The following SLAMF9 variants were observed in gnomAD, a reference collection of about 807,000 sequenced individuals.
SLAMF9 encodes the protein CD2 family member 10.
Under a neutral mutation model 30.4 loss-of-function variants are expected in SLAMF9, and 25 were observed. The ratio of observed to expected loss-of-function variants is 0.82; its 90% confidence interval spans 0.60 to 1.15. The LOEUF is 1.15. Among genes scored for constraint, SLAMF9 ranks in the 50% most tolerant of loss-of-function variants. The pLI is 0.00. For missense variants in SLAMF9, 344 were observed against 346.1 expected (o/e 0.99, Z 0.05); for synonymous variants, 129 against 127.2 (o/e 1.01, Z -0.09).
the SLAMF9 span, among the ~76,000 whole-genome samples, chr1:159,963,655 G>T: frequency 6.6e-6 from 1 of 152,038 alleles, no homozygotes; most frequent in East Asian, 1.9e-4. Flanking sequence ...TCCTAAAATG[G>T]ACTCGGCTCA....
chr1:159,973,185 AG>A, the SLAMF9 span: 1 of 1,503,034 alleles, frequency 6.7e-7, no homozygotes, highest in Non-Finnish European at 9.2e-7. Context: ...GGCTGACCTC[AG>A]GGGGTGCAGC....
chr1:159,972,957 C>T, the SLAMF9 span: 1 of 1,142,570 alleles, frequency 8.8e-7, no homozygotes. Flanking sequence ...TGCATGATGC[C>T]CAGACCCCTG....
the SLAMF9 span, among the ~76,000 whole-genome samples, chr1:159,974,916 C>T: frequency 6.6e-6 from 1 of 152,200 alleles, no homozygotes; most frequent in African/African-American, 2.4e-5. Flanking sequence ...CCATAGGCAC[C>T]TTCCATCACT....
In SLAMF9 at chr1:159,954,154, C is replaced by A. The variant is rs1236603442; in HGVS notation, c.-17G>T. 6.2e-7 allele frequency: 1 copy of A among 1,614,010 alleles called. No homozygotes were observed. The highest frequency in any genetic ancestry group is 1.3e-5 in the African/African-American group (1 of 75,020). ...GGCACACATGTCAGCAGCCCCCAGC[C>A]CCAGAGGTGTGATTCAGTCAGTCAG... On this transcript the variant is annotated 5_prime_UTR_variant, in exon 1 of 4. Coordinates refer to ENST00000368093, the MANE Select transcript of SLAMF9 (RefSeq NM_033438.4).
Position 159,951,665 on chromosome 1 carries a change from G to T in SLAMF9, c.866C>A (p.Ala289Asp), listed in dbSNP as rs1453709203. Residue 289 changes from alanine (A) to aspartate (D), a missense_variant, in exon 4 of 4, where the codon GCC becomes GAC. Transcript: ENST00000368093. ...ACTGGGGTTCCCAAGGAGCAGTCAG[G>T]CAGGGCTGGAGCCAGGCTTTGCCTC... ...RKEAKPGSSP[A>D] 1.9e-6 allele frequency: 3 copies of T among 1,613,856 alleles called. No homozygotes were observed. Among genetic ancestry groups the T allele is most frequent in the Non-Finnish European group, 1.7e-6 (2 of 1,179,952 alleles).
chr1:159,971,521 G>A, the SLAMF9 span, among the ~76,000 whole-genome samples: 2 of 152,262 alleles, frequency 1.3e-5, no homozygotes, highest in South Asian at 2.1e-4. Context: ...GCTCATAGCC[G>A]TTGAGCCCCT....
chr1:159,966,277 A>G, the SLAMF9 span, among the ~76,000 whole-genome samples: 1 of 152,240 alleles, frequency 6.6e-6, no homozygotes, highest in Admixed American at 6.5e-5. Context: ...GTCCAAAATG[A>G]CAGAATTTCA....
chr1:159,955,095 A>AG (rs1476573532), upstream of SLAMF9, among the ~76,000 whole-genome samples: 31 of 152,056 alleles, frequency 2.0e-4, no homozygotes, highest in African/African-American at 6.7e-4. Flanking sequence ...AAAAAAAAAA[A>AG]AGAGAGAAGA....
the SLAMF9 span, among the ~76,000 whole-genome samples, chr1:159,971,827 G>A: frequency 2.6e-5 from 4 of 152,212 alleles, no homozygotes; most frequent in East Asian, 1.9e-4. Context: ...AGCTACTTTC[G>A]TGAATCTTCA....
chr1:159,953,223 C>T (rs1359713149), intron 2 of SLAMF9, 86 bp downstream of exon 2: 8 of 1,149,174 alleles, frequency 7.0e-6, no homozygotes, highest in Non-Finnish European at 8.8e-6. Flanking sequence ...AAACCATAAC[C>T]CCAAGTCCTG....
chr1:159,951,730 C>T lies in SLAMF9; in HGVS notation c.801G>A (p.Arg267=), dbSNP rs754869237. ...TTCTGTTTCTCATGAGTTTCTTCAT[C>T]CTTGGCATTTTGTGTCTTTTCTGGA... is the stretch of plus-strand genomic sequence containing the variant. ...IRVQKRHKMP[R]MKKLMRNRMK... The change falls in exon 4 of 4, where the codon AGG becomes AGA. Residue 267 remains arginine (R), a synonymous_variant. Transcript: ENST00000368093. The T allele has an allele frequency of 5.6e-6, 9 of 1,614,196 alleles. No homozygotes were observed. The highest frequency in any genetic ancestry group is 6.8e-6 in the Non-Finnish European group (8 of 1,180,040).
the SLAMF9 span, among the ~76,000 whole-genome samples, chr1:159,973,453 TC>T: frequency 6.6e-6 from 1 of 151,976 alleles, no homozygotes; most frequent in Non-Finnish European, 1.5e-5. Context: ...CTGAAATGAC[TC>T]CCACACAGCC....
At position 159,951,648 on chromosome 1, in the gene SLAMF9, T is replaced by G. The variant is rs777301322; in HGVS notation, c.*13A>C. 7 of 1,613,028 alleles carry G rather than the reference T, an allele frequency of 4.3e-6. No individual in the cohort carries two copies. The highest frequency in any genetic ancestry group is 3.3e-5 in the Admixed American group (2 of 60,002). On this transcript the variant is annotated 3_prime_UTR_variant, in exon 4 of 4. Coordinates refer to ENST00000368093, the MANE Select transcript of SLAMF9 (RefSeq NM_033438.4). ...AAGAAACCAAGCTCAGGACTGGGGT[T>G]CCCAAGGAGCAGTCAGGCAGGGCTG...
the SLAMF9 span, among the ~76,000 whole-genome samples, chr1:159,974,604 T>A: frequency 6.6e-6 from 1 of 152,140 alleles, no homozygotes; most frequent in Non-Finnish European, 1.5e-5. Context: ...ACTCCATCGA[T>A]GCCCCACACC....
At chr1:159,983,654 T>C in the SLAMF9 span, 1 of 152,274 alleles carries the variant, frequency 6.6e-6, no homozygotes, top group South Asian at 2.1e-4. Context: ...AGGCTGAAAG[T>C]CAACATTGGC....
At chr1:159,973,127 G>C in the SLAMF9 span, 4 of 1,535,456 alleles carry the variant, frequency 2.6e-6, no homozygotes, top group Non-Finnish European at 3.6e-6. Context: ...GGGGGCCCCT[G>C]TCCTGCAAGG....
At chr1:159,977,483 A>T in the SLAMF9 span, among the ~76,000 whole-genome samples, 5 of 152,180 alleles carry the variant, frequency 3.3e-5, no homozygotes, top group African/African-American at 1.2e-4. Flanking sequence ...CCATCTCCCC[A>T]GTTATAGAAA....
At chr1:159,974,057 C>T in the SLAMF9 span, 10 of 1,595,538 alleles carry the variant, frequency 6.3e-6, no homozygotes, top group Admixed American at 1.5e-4. Context: ...CTTGGAGGTA[C>T]AGCCAGGCTG....
At chr1:159,966,685 T>C in the SLAMF9 span, among the ~76,000 whole-genome samples, 1 of 152,318 alleles carries the variant, frequency 6.6e-6, no homozygotes, top group East Asian at 1.9e-4. Context: ...TACCTCATTG[T>C]GGTTTTAATT....
Sources: gnomAD v4.1 joint callset for allele counts (sites outside exome capture counted in the v4.1 genomes callset) on GRCh38, gnomAD v4.1.1 for gene constraint, MANE v1.5 for transcripts, NCBI Gene and HGNC (gene_info 2026-07-23, HGNC 2026-07-21) for gene names.